The following MAGI2 variants were observed in gnomAD, a reference collection of about 807,000 sequenced individuals.
MAGI2 encodes membrane associated guanylate kinase, WW and PDZ domain containing 2.
A neutral mutation model predicts 133.3 loss-of-function variants in MAGI2; 35 were observed. The observed-to-expected ratio is 0.26, with a 90% confidence interval of 0.20 to 0.35. The LOEUF (loss-of-function observed/expected upper bound fraction) is 0.35. Ranked by LOEUF, MAGI2 falls within the 10% of genes least tolerant of loss-of-function variation. MAGI2 has a pLI of 1.00. For missense variants in MAGI2, 1,636 were observed against 1,863.4 expected (o/e 0.88, Z 2.25); for synonymous variants, 729 against 710.6 (o/e 1.03, Z -0.41).
intron 21 of MAGI2, among the ~76,000 whole-genome samples, chr7:78,056,431 A>G (rs1022510827): frequency 1.3e-5 from 2 of 152,228 alleles, no homozygotes; most frequent in African/African-American, 2.4e-5. Context: ...ATGCCCATCA[A>G]TGATAGACTG....
rs982672336 is a variant in MAGI2 at position 78,244,840 on chromosome 7, G to A, written c.2047+11103C>T. ...ATCTCCAAAGATGGCAAAAAAAAAA[G>A]CTTTGTATAAAATTTATTACCCATT... On this transcript the variant is annotated intron_variant, in intron 10 of 21. Transcript: ENST00000354212. Among the ~76,000 whole-genome samples the A allele has an allele frequency of 2.0e-5, 3 of 151,414 alleles. No individual in the cohort carries two copies. In the East Asian group the frequency reaches 5.8e-4, roughly 29 times the overall value.
chr7:79,288,272 C>T (rs1836181092), intron 1 of MAGI2, among the ~76,000 whole-genome samples: 1 of 152,100 alleles, frequency 6.6e-6, no homozygotes, highest in Non-Finnish European at 1.5e-5. Flanking sequence ...ATAATAGTGT[C>T]TACCTTGCAG....
intron 21 of MAGI2, 41 bp from the exon 22 acceptor site, chr7:78,020,017 G>A: frequency 6.5e-7 from 1 of 1,536,350 alleles, no homozygotes; most frequent in East Asian, 2.4e-5. Context: ...GGCGCACGCA[G>A]GACGTCCCCG....
At chr7:78,390,181 T>A (rs1329920680) in intron 6 of MAGI2, among the ~76,000 whole-genome samples, 5 of 152,210 alleles carry the variant, frequency 3.3e-5, no homozygotes, top group South Asian at 4.1e-4. Context: ...GAGTAATATA[T>A]TTAAACCCCC....
At chr7:78,966,783 C>A (rs1159563919) in intron 2 of MAGI2, among the ~76,000 whole-genome samples, 1 of 150,792 alleles carries the variant, frequency 6.6e-6, no homozygotes. Context: ...ATTAAACATT[C>A]CCACTAATAG....
chr7:78,636,653 C>T (rs1211415242), intron 2 of MAGI2, among the ~76,000 whole-genome samples: 2 of 152,084 alleles, frequency 1.3e-5, no homozygotes, highest in South Asian at 2.1e-4. Context: ...AAAAAATTAG[C>T]TGGGCGTGGT....
chr7:79,083,052 G>A (rs1816184118), intron 1 of MAGI2, among the ~76,000 whole-genome samples: 1 of 151,170 alleles, frequency 6.6e-6, no homozygotes, highest in Non-Finnish European at 1.5e-5. Context: ...GAATTCACTT[G>A]TTATTTCTAA....
rs571843024 is a variant in MAGI2, at chr7:78,073,998, A to T, written c.3706+4949T>A. 3.9e-5 allele frequency among the ~76,000 whole-genome samples: 6 copies of T among 152,286 alleles called. No individual in the cohort carries two copies. The East Asian group carries it at 1.2e-3, about 29-fold the overall frequency. On this transcript the variant is annotated intron_variant, in intron 21 of 21. Coordinates refer to ENST00000354212, the MANE Select transcript of MAGI2 (RefSeq NM_012301.4). ...CTGAGGACTGGAGTGGAGTTGAAGT[A>T]TCTATCTCCTGAGCTTGTCTTTCAA...
chr7:79,030,577 T>C (rs1247984548), intron 1 of MAGI2, among the ~76,000 whole-genome samples: 1 of 152,152 alleles, frequency 6.6e-6, no homozygotes, highest in Non-Finnish European at 1.5e-5. Context: ...GATGCAAACA[T>C]GCTAAATGCA....
chr7:79,306,519 G>A (rs1472400460), intron 1 of MAGI2, among the ~76,000 whole-genome samples: 4 of 151,692 alleles, frequency 2.6e-5, no homozygotes, highest in Admixed American at 2.6e-4. Context: ...AATTCTTTCT[G>A]TAATATTTGC....
intron 2 of MAGI2, among the ~76,000 whole-genome samples, chr7:78,629,146 C>G (rs1173231396): frequency 6.6e-6 from 1 of 152,146 alleles, no homozygotes; most frequent in Non-Finnish European, 1.5e-5. Context: ...TTGTGCTCTT[C>G]TTGGGAGGCC....
Position 78,360,924 on chromosome 7 carries a change from G to A in MAGI2, c.1103+8232C>T, listed in dbSNP as rs557368500. On this transcript the variant is annotated intron_variant, in intron 7 of 21. Coordinates refer to ENST00000354212, the MANE Select transcript of MAGI2 (RefSeq NM_012301.4). Reference sequence around the variant, plus strand: ...CAGAGAACATGGTGTCTCCAGCTGTGAGCATTCCTGCCCTCTCTTCCTGGG... The same window carrying A: ...CAGAGAACATGGTGTCTCCAGCTGTAAGCATTCCTGCCCTCTCTTCCTGGG... 1.7e-4 allele frequency among the ~76,000 whole-genome samples: 26 copies of A among 152,314 alleles called. 2 individuals carry two copies. The South Asian group carries it at 5.4e-3, about 32-fold the overall frequency.
chr7:78,818,982 T>C (rs1189646392), intron 2 of MAGI2, among the ~76,000 whole-genome samples: 2 of 152,132 alleles, frequency 1.3e-5, no homozygotes, highest in South Asian at 4.1e-4. Flanking sequence ...GGTAAAATGT[T>C]CATAATTTTT....
intron 1 of MAGI2, among the ~76,000 whole-genome samples, chr7:79,283,088 T>A (rs1313080995): frequency 6.6e-6 from 1 of 152,094 alleles, no homozygotes; most frequent in Non-Finnish European, 1.5e-5. Context: ...AAATGCAGCC[T>A]CTTAAATATA....
chr7:78,474,437 G>T (rs1014638291), intron 6 of MAGI2, among the ~76,000 whole-genome samples: 2 of 151,972 alleles, frequency 1.3e-5, no homozygotes, highest in Non-Finnish European at 2.9e-5. Flanking sequence ...GCTGCACAAA[G>T]AGCTAATATG....
chr7:78,648,294 G>A (rs1047420331), intron 2 of MAGI2, among the ~76,000 whole-genome samples: 8 of 151,980 alleles, frequency 5.3e-5, no homozygotes, highest in Non-Finnish European at 1.0e-4. Context: ...CTTGTAACAA[G>A]GAAAAACCGA....
At chr7:78,070,009 G>A (rs545463157) in intron 21 of MAGI2, among the ~76,000 whole-genome samples, 141 of 151,316 alleles carry the variant, frequency 9.3e-4, no homozygotes, top group African/African-American at 3.4e-3. Flanking sequence ...TCTTCTCCAC[G>A]ACTTAAGTGT....
At chr7:78,757,968 G>A (rs1824123026) in intron 2 of MAGI2, among the ~76,000 whole-genome samples, 1 of 152,138 alleles carries the variant, frequency 6.6e-6, no homozygotes, top group Non-Finnish European at 1.5e-5. Context: ...TGACAAATAA[G>A]CATGGCAAAC....
intron 1 of MAGI2, among the ~76,000 whole-genome samples, chr7:79,349,921 C>T (rs1841581552): frequency 6.6e-6 from 1 of 151,978 alleles, no homozygotes; most frequent in African/African-American, 2.4e-5. Context: ...AGAATACTCG[C>T]CACCCTCACA....
Sources: gnomAD v4.1 joint callset for allele counts (sites outside exome capture counted in the v4.1 genomes callset) on GRCh38, gnomAD v4.1.1 for gene constraint, MANE v1.5 for transcripts, NCBI Gene and HGNC (gene_info 2026-07-23, HGNC 2026-07-21) for gene names.